Variants in SRRM3 observed in about 807,000 individuals in gnomAD.
The protein encoded by SRRM3 is serine/arginine repetitive matrix protein 3.
In SRRM3, 27 loss-of-function variants were observed where a neutral mutation model predicts 66.2. The observed-to-expected ratio is 0.41, with a 90% CI of 0.30 to 0.56. The LOEUF (loss-of-function observed/expected upper bound fraction) is 0.56, where lower values mean the gene tolerates loss of function less well. Ranked by LOEUF, SRRM3 falls within the 20% of genes least tolerant of loss-of-function variation. SRRM3 has a pLI of 0.32. For missense variants in SRRM3, 918 were observed against 991.9 expected (o/e 0.93, Z 1.00); for synonymous variants, 391 against 414.9 (o/e 0.94, Z 0.70).
intron 11 of SRRM3, among the ~76,000 whole-genome samples, chr7:76,272,565 T>C (rs2117090387): frequency 6.6e-6 from 1 of 151,952 alleles, no homozygotes; most frequent in African/African-American, 2.4e-5. Flanking sequence ...GTCAGGAGAA[T>C]CACTTGAACC....
chr7:76,218,478 G>C lies in SRRM3; in HGVS notation c.-40+16411G>C, dbSNP rs782144201. On this transcript the variant is annotated intron_variant, in intron 1 of 14. Coordinates refer to ENST00000611745, the MANE Select transcript of SRRM3 (RefSeq NM_001110199.3). ...AGCCCCAGGGAAGCTGTCTGCTCTTGGTGGCAAGGCTTCAGCCTCCCACAA... is the reference window on the plus strand; with the variant it reads ...AGCCCCAGGGAAGCTGTCTGCTCTTCGTGGCAAGGCTTCAGCCTCCCACAA... 2.6e-4 allele frequency among the ~76,000 whole-genome samples: 38 copies of C among 147,610 alleles called. 1 individual carries two copies. The highest frequency in any genetic ancestry group is 1.9e-3 in the Admixed American group (28 of 14,544).
intron 11 of SRRM3, chr7:76,269,252 G>C (rs1802148486): frequency 6.6e-6 from 1 of 152,192 alleles, no homozygotes; most frequent in South Asian, 2.1e-4. Flanking sequence ...AGTTTTCTTG[G>C]AGACGGCATT....
intron 3 of SRRM3, among the ~76,000 whole-genome samples, chr7:76,258,368 T>A (rs1801764980): frequency 6.6e-6 from 1 of 152,172 alleles, no homozygotes; most frequent in African/African-American, 2.4e-5. Flanking sequence ...CCCACATCAT[T>A]GAGCCAGGGC....
intron 1 of SRRM3, among the ~76,000 whole-genome samples, chr7:76,210,134 A>G (rs59716850): frequency 0.036 from 5,479 of 152,268 alleles, 232 homozygotes; most frequent in East Asian, 0.15. Flanking sequence ...TACCAGAGAC[A>G]TGCCTCTGGG....
At chr7:76,269,639 C>A (rs1356870763) in intron 11 of SRRM3, 1 of 151,976 alleles carries the variant, frequency 6.6e-6, no homozygotes, top group Non-Finnish European at 1.5e-5. Flanking sequence ...GTTTTTTAGC[C>A]TCCCATTTGA....
At chr7:76,244,523 C>CAA (rs10611441) in intron 2 of SRRM3, among the ~76,000 whole-genome samples, 2 of 112,188 alleles carry the variant, frequency 1.8e-5, no homozygotes, top group Non-Finnish European at 3.6e-5. Flanking sequence ...GACTCCATCT[C>CAA]AAAAAAAAAA....
intron 2 of SRRM3, among the ~76,000 whole-genome samples, chr7:76,240,632 A>T (rs902905152): frequency 6.6e-6 from 1 of 151,958 alleles, no homozygotes; most frequent in Admixed American, 6.6e-5. Flanking sequence ...AAAAAAAAAA[A>T]AAAAACATTT....
At chr7:76,211,154 C>A (rs542856494) in intron 1 of SRRM3, among the ~76,000 whole-genome samples, 2 of 152,288 alleles carry the variant, frequency 1.3e-5, no homozygotes, top group Non-Finnish European at 2.9e-5. Context: ...TAGCAGCATT[C>A]CAAGGGCTAC....
intron 3 of SRRM3, 72 bp from the exon 4 acceptor site, chr7:76,259,834 C>CA: frequency 6.5e-7 from 1 of 1,529,972 alleles, no homozygotes; most frequent in Non-Finnish European, 8.7e-7. Flanking sequence ...CTAGGTCAGG[C>CA]CCCCTGCGCC....
intron 8 of SRRM3, among the ~76,000 whole-genome samples, chr7:76,261,867 G>A (rs782176871): frequency 6.6e-6 from 1 of 152,008 alleles, no homozygotes; most frequent in South Asian, 2.1e-4. Flanking sequence ...GTCTGTGGAG[G>A]TGCCAGTTAG....
intron 1 of SRRM3, among the ~76,000 whole-genome samples, chr7:76,203,421 A>T (rs1236638592): frequency 6.6e-6 from 1 of 152,210 alleles, no homozygotes; most frequent in Non-Finnish European, 1.5e-5. Context: ...AGTGTTAGCA[A>T]TGTCTACTTT....
At chr7:76,233,617 G>C (rs1205299795) in intron 1 of SRRM3, among the ~76,000 whole-genome samples, 2 of 152,138 alleles carry the variant, frequency 1.3e-5, no homozygotes, top group Non-Finnish European at 2.9e-5. Context: ...GAGTGGAAAA[G>C]AGGGGTTAGA....
chr7:76,227,756 T>G (rs1329686787), intron 1 of SRRM3, among the ~76,000 whole-genome samples: 1 of 152,246 alleles, frequency 6.6e-6, no homozygotes, highest in Non-Finnish European at 1.5e-5. Flanking sequence ...GAGTAGATGT[T>G]GGGTGAGTGT....
chr7:76,248,235 T>G lies in SRRM3; in HGVS notation c.281T>G (p.Met94Arg). 1 of 1,613,804 alleles carries G rather than the reference T, an allele frequency of 6.2e-7. No individual in the cohort carries two copies. Among genetic ancestry groups the G allele is most frequent in the Non-Finnish European group, 8.5e-7 (1 of 1,179,846 alleles). The change falls in exon 3 of 15, where the codon ATG becomes AGG. Residue 94 changes from methionine (M) to arginine (R), a missense_variant. Transcript: ENST00000611745. ...CAGAAAGTGGGGACATTCCGGCAGATGCTGATGGAGAAGGAGGGAGTGCTC... is the reference window on the plus strand; with the variant it reads ...CAGAAAGTGGGGACATTCCGGCAGAGGCTGATGGAGAAGGAGGGAGTGCTC... ...IRQKVGTFRQ[M>R]LMEKEGVLTR...
At chr7:76,270,358 C>G (rs1485786495) in intron 11 of SRRM3, among the ~76,000 whole-genome samples, 1 of 152,136 alleles carries the variant, frequency 6.6e-6, no homozygotes, top group Non-Finnish European at 1.5e-5. Context: ...CAGAGTTTAG[C>G]TGAGACACTT....
intron 1 of SRRM3, among the ~76,000 whole-genome samples, chr7:76,205,959 C>A (rs1483946176): frequency 1.3e-5 from 2 of 152,170 alleles, no homozygotes; most frequent in Admixed American, 6.6e-5. Flanking sequence ...ATGTTTAAAT[C>A]TTGGGACTGA....
chr7:76,242,658 G>A (rs1371721953), intron 2 of SRRM3, among the ~76,000 whole-genome samples: 1 of 152,106 alleles, frequency 6.6e-6, no homozygotes, highest in Non-Finnish European at 1.5e-5. Context: ...TGGGAGCCCT[G>A]AGCTTGTTTT....
chr7:76,260,064 G>A lies in SRRM3; in HGVS notation c.464+30G>A, dbSNP rs994143036. ...GCGGCCGCCGCGGCGGGGGTGGGGG[G>A]CGCGCGGGGCTGCCCCCCCTCACCG... is the stretch of plus-strand genomic sequence containing the variant. On this transcript the variant is annotated intron_variant, in intron 4 of 14. Coordinates refer to ENST00000611745, the MANE Select transcript of SRRM3 (RefSeq NM_001110199.3). The A allele has an allele frequency of 1.1e-5, 16 of 1,472,316 alleles. No homozygotes were observed. The Admixed American group carries it at 1.3e-4, about 12-fold the overall frequency. The allele number at this position is 1,472,316 out of a possible 1,614,324, so 91.2% of individuals were successfully genotyped here.
chr7:76,243,356 A>G (rs1395488248), intron 2 of SRRM3, among the ~76,000 whole-genome samples: 2 of 152,136 alleles, frequency 1.3e-5, no homozygotes, highest in Admixed American at 6.5e-5. Context: ...GGACACTCAG[A>G]GGTGGTGGTC....
Sources: allele counts gnomAD v4.1 joint callset (sites outside exome capture counted in the v4.1 genomes callset), GRCh38; gene constraint gnomAD v4.1.1; transcripts MANE v1.5; gene names NCBI Gene and HGNC (gene_info 2026-07-23, HGNC 2026-07-21).